Variants in WDFY4 observed in about 807,000 individuals in gnomAD.
The protein encoded by WDFY4 is WD repeat- and FYVE domain-containing protein 4.
Under a neutral mutation model 351.9 loss-of-function variants are expected in WDFY4, and 169 were observed. The ratio of observed to expected loss-of-function variants is 0.48; its 90% CI spans 0.42 to 0.55. The LOEUF (loss-of-function observed/expected upper bound fraction) is 0.55, where lower values mean the gene tolerates loss of function less well. WDFY4 is among the 20% of genes least tolerant of loss of function. WDFY4 has a pLI of 0.00. For missense variants in WDFY4, 3,803 were observed against 3,935.6 expected (o/e 0.97, Z 0.90); for synonymous variants, 1,622 against 1,574.6 (o/e 1.03, Z -0.71).
At chr10:48,823,077 G>T in intron 35 of WDFY4, 1 of 1,227,660 alleles carries the variant, frequency 8.1e-7, no homozygotes, top group Non-Finnish European at 1.1e-6. Context: ...CATACCTGTA[G>T]GGCCATCATT....
chr10:48,721,186 A>G (rs1589450731), intron 3 of WDFY4, 75 bp from the exon 4 acceptor site: 2 of 1,404,858 alleles, frequency 1.4e-6, no homozygotes, highest in Non-Finnish European at 2.0e-6. Context: ...ATCTCCTGGG[A>G]AGAGGGGGCC....
In WDFY4 at chr10:48,931,340, A is replaced by G. The variant is rs949863086; in HGVS notation, c.7587-10466A>G. ...CTGTGAGCTCTTTATGCTGTCCCAG[A>G]GTGGAATGCAAGAGGTGGCCACTGA... On this transcript the variant is annotated intron_variant, in intron 47 of 61. Coordinates refer to ENST00000325239, the MANE Select transcript of WDFY4 (RefSeq NM_001394531.1). 3.9e-5 allele frequency among the ~76,000 whole-genome samples: 6 copies of G among 152,158 alleles called. No homozygotes were observed. In the East Asian group the frequency reaches 1.2e-3, roughly 29 times the overall value.
At chr10:48,972,612 ATTAAG>A (rs1842385533) in intron 57 of WDFY4, among the ~76,000 whole-genome samples, 1 of 152,210 alleles carries the variant, frequency 6.6e-6, no homozygotes, top group South Asian at 2.1e-4. Context: ...AAACTAGACA[ATTAAG>A]TTGTTTCCAA....
intron 40 of WDFY4, among the ~76,000 whole-genome samples, chr10:48,869,142 T>A (rs1008332300): frequency 5.3e-5 from 8 of 152,248 alleles, no homozygotes; most frequent in African/African-American, 1.9e-4. Context: ...CTGCCATAGA[T>A]AATGGGATGT....
At chr10:48,689,048 A>T (rs946421718) in intron 1 of WDFY4, among the ~76,000 whole-genome samples, 2 of 147,170 alleles carry the variant, frequency 1.4e-5, no homozygotes, top group Non-Finnish European at 3.0e-5. Flanking sequence ...CCCCCACCCC[A>T]GTGAACTTCA....
intron 27 of WDFY4, among the ~76,000 whole-genome samples, chr10:48,806,600 G>T (rs1049391426): frequency 6.6e-6 from 1 of 152,210 alleles, no homozygotes; most frequent in African/African-American, 2.4e-5. Flanking sequence ...GCCCCTTGGG[G>T]TTACCCTACT....
intron 39 of WDFY4, among the ~76,000 whole-genome samples, chr10:48,865,528 A>G (rs2069512935): frequency 6.6e-6 from 1 of 152,156 alleles, no homozygotes; most frequent in Non-Finnish European, 1.5e-5. Flanking sequence ...GTAGTTCTCT[A>G]GTAAAGCCTT....
intron 39 of WDFY4, among the ~76,000 whole-genome samples, chr10:48,856,012 G>A (rs890460440): frequency 3.9e-5 from 6 of 152,082 alleles, no homozygotes; most frequent in Non-Finnish European, 8.8e-5. Context: ...ATCTTGGAAC[G>A]TGTCCCCTGA....
chr10:48,958,009 G>T (rs929569569), intron 52 of WDFY4, among the ~76,000 whole-genome samples: 3 of 152,190 alleles, frequency 2.0e-5, no homozygotes, highest in East Asian at 3.9e-4. Context: ...CAGAGAACAC[G>T]CATGAGCCAT....
chr10:48,702,139 T>C (rs1035765660), intron 1 of WDFY4, among the ~76,000 whole-genome samples: 4 of 152,236 alleles, frequency 2.6e-5, no homozygotes, highest in Non-Finnish European at 5.9e-5. Flanking sequence ...GCTTACTTCA[T>C]AGTGGCTCTG....
At chr10:48,685,114 A>C (rs549724400) in intron 1 of WDFY4, 113 bp downstream of exon 1, 1 of 152,966 alleles carries the variant, frequency 6.5e-6, no homozygotes, top group South Asian at 2.1e-4. Flanking sequence ...TATGGGGCAC[A>C]TGTGACCCAG....
intron 39 of WDFY4, among the ~76,000 whole-genome samples, chr10:48,856,600 T>G (rs1564421651): frequency 6.6e-6 from 1 of 152,190 alleles, no homozygotes; most frequent in Non-Finnish European, 1.5e-5. Context: ...TCTTTGATAC[T>G]ATACCAAAAC....
In WDFY4 at chr10:48,823,947, T is replaced by C. The variant is rs149490126; in HGVS notation, c.5982+1410T>C. 9.3e-5 allele frequency: 92 copies of C among 985,498 alleles called. No individual in the cohort carries two copies. The African/African-American group carries it at 1.4e-3, about 15-fold the overall frequency. 61.0% of individuals were successfully genotyped at this position (985,498 alleles called of 1,614,324 possible). ...ACCTTCACTTCATGAGTAGAAACAT[T>C]GCGTTACCTGTGAAATTCTAAGGGA... On this transcript the variant is annotated intron_variant, in intron 35 of 61. Transcript: ENST00000325239.
chr10:48,722,036 T>C (rs2064107063), intron 4 of WDFY4, among the ~76,000 whole-genome samples: 1 of 152,148 alleles, frequency 6.6e-6, no homozygotes, highest in African/African-American at 2.4e-5. Flanking sequence ...GTGTAACTTC[T>C]CCAAATTCTT....
chr10:48,747,729 T>C (rs556572651), intron 12 of WDFY4, among the ~76,000 whole-genome samples: 38 of 152,334 alleles, frequency 2.5e-4, no homozygotes, highest in Non-Finnish European at 3.1e-4. Context: ...TGATAGCCCT[T>C]TTCCTTTCTC....
chr10:48,757,482 T>C (rs1442852959), intron 12 of WDFY4, among the ~76,000 whole-genome samples: 1 of 152,114 alleles, frequency 6.6e-6, no homozygotes, highest in Non-Finnish European at 1.5e-5. Context: ...TTTTCTATCC[T>C]GTTACTTTTA....
intron 38 of WDFY4, among the ~76,000 whole-genome samples, chr10:48,831,608 A>G (rs1353584414): frequency 3.3e-5 from 5 of 152,238 alleles, no homozygotes; most frequent in East Asian, 3.8e-4. Flanking sequence ...AAGTGTATAT[A>G]TACATATCTG....
At chr10:48,856,352 T>C (rs941502471) in intron 39 of WDFY4, among the ~76,000 whole-genome samples, 2 of 152,186 alleles carry the variant, frequency 1.3e-5, no homozygotes, top group Admixed American at 1.3e-4. Context: ...AACCAGATAC[T>C]ACCTGTCAGA....
In WDFY4 at chr10:48,966,568, C is replaced by G. The variant is rs780397886; in HGVS notation, c.8479C>G (p.Pro2827Ala). 3 of 1,552,166 alleles carry G rather than the reference C, an allele frequency of 1.9e-6. No individual in the cohort carries two copies. Among genetic ancestry groups the G allele is most frequent in the Non-Finnish European group, 2.6e-6 (3 of 1,147,090 alleles). The change falls in exon 55 of 62, where the codon CCT becomes GCT. Residue 2827 changes from proline to alanine, a missense_variant. Pro to Ala is a conservative substitution (Grantham distance 27, BLOSUM62 -1). Coordinates refer to ENST00000325239, the MANE Select transcript of WDFY4 (RefSeq NM_001394531.1). ...CCCAGCCAGGACTGCAGCAGGGAAG[C>G]CTCTGCCTGGAAAGGATGTCTCCAC... is the stretch of plus-strand genomic sequence containing the variant. ...PHPARTAAGK[P>A]LPGKDVSTPV...
Sources: allele counts gnomAD v4.1 joint callset (sites outside exome capture counted in the v4.1 genomes callset), GRCh38; gene constraint gnomAD v4.1.1; transcripts MANE v1.5; gene names NCBI Gene and HGNC (gene_info 2026-07-23, HGNC 2026-07-21).